Variants in LTBP1 observed in about 807,000 individuals in gnomAD.
LTBP1 encodes the protein latent transforming growth factor beta binding protein 1.
Under a neutral mutation model 207.6 loss-of-function variants are expected in LTBP1, and 129 were observed. The observed-to-expected ratio is 0.62, with a 90% CI of 0.54 to 0.72. The LOEUF is 0.72. Among genes scored for constraint, LTBP1 ranks in the 30% least tolerant of loss-of-function variants. The pLI is 0.00. For synonymous variants in LTBP1, 963 were observed against 833.7 expected, an observed-to-expected ratio of 1.16 and a Z score of -2.67; for missense variants, 2,281 against 2,217.2, an observed-to-expected ratio of 1.03 and a Z score of -0.58.
chr2:33,098,449 T>C (rs1204232488), intron 3 of LTBP1, among the ~76,000 whole-genome samples: 2 of 152,188 alleles, frequency 1.3e-5, no homozygotes, highest in Admixed American at 6.5e-5. Context: ...ATGATTTTTT[T>C]CTGAGACAGA....
At chr2:33,363,619 T>A in intron 29 of LTBP1, 101 bp downstream of exon 29, 6 of 1,316,720 alleles carry the variant, frequency 4.6e-6, no homozygotes, top group Non-Finnish European at 6.1e-6. Flanking sequence ...ATCTAAATCA[T>A]GTGTTGAAAA....
chr2:33,345,940 G>C (rs549411006), intron 25 of LTBP1, among the ~76,000 whole-genome samples: 1 of 152,200 alleles, frequency 6.6e-6, no homozygotes, highest in Non-Finnish European at 1.5e-5. Context: ...AGGAAAGAGG[G>C]TAAAAAGCAC....
At chr2:33,185,782 G>A (rs759538278) in intron 5 of LTBP1, among the ~76,000 whole-genome samples, 5 of 147,766 alleles carry the variant, frequency 3.4e-5, no homozygotes, top group South Asian at 2.1e-4. Flanking sequence ...AACATAAACC[G>A]GCCCAAGATA....
chr2:33,201,545 G>T (rs1192432476), intron 7 of LTBP1, among the ~76,000 whole-genome samples: 2 of 151,798 alleles, frequency 1.3e-5, no homozygotes, highest in Non-Finnish European at 2.9e-5. Flanking sequence ...GAGTTAATGG[G>T]TGCAGCACAC....
chr2:32,960,398 GGAATGAAT>G (rs10532840), intron 2 of LTBP1, among the ~76,000 whole-genome samples: 11,711 of 150,172 alleles, frequency 0.078, 706 homozygotes, highest in East Asian at 0.23. Context: ...ACACCTTTAT[GGAATGAAT>G]GAATGAATGA....
At chr2:33,011,641 G>A (rs919185360) in intron 2 of LTBP1, among the ~76,000 whole-genome samples, 1 of 151,984 alleles carries the variant, frequency 6.6e-6, no homozygotes, top group African/African-American at 2.4e-5. Context: ...ATAAATCTCT[G>A]TTATTTAAGC....
intron 2 of LTBP1, among the ~76,000 whole-genome samples, chr2:32,989,130 T>G (rs1309846420): frequency 6.6e-6 from 1 of 152,232 alleles, no homozygotes; most frequent in Non-Finnish European, 1.5e-5. Context: ...AACTCTGATA[T>G]TCTTCTCAGA....
intron 1 of LTBP1, 22 bp downstream of exon 1, chr2:32,947,840 C>T (rs1364141934): frequency 1.6e-6 from 2 of 1,272,956 alleles, no homozygotes; most frequent in African/African-American, 1.6e-5. Flanking sequence ...CCCCCTTCCG[C>T]CCGCCCGCCC....
At chr2:33,164,307 G>A (rs975060539) in intron 5 of LTBP1, among the ~76,000 whole-genome samples, 17 of 132,602 alleles carry the variant, frequency 1.3e-4, no homozygotes, top group African/African-American at 4.7e-4. Flanking sequence ...CTGAGATTGC[G>A]CCACTGCACT....
Position 33,064,999 on chromosome 2 carries a change from A to G in LTBP1, c.863+43793A>G, listed in dbSNP as rs1039754236. 2.6e-5 allele frequency among the ~76,000 whole-genome samples: 4 copies of G among 152,280 alleles called. No homozygotes were observed. The East Asian group carries it at 7.7e-4, about 29-fold the overall frequency. On this transcript the variant is annotated intron_variant, in intron 3 of 33. Transcript: ENST00000404816. Reference sequence around the variant, plus strand: ...TTGTTCTAGGTTTTAGGGTGAAAGTATGTTATTTTACCAATCAGTATAATA... The same window carrying G: ...TTGTTCTAGGTTTTAGGGTGAAAGTGTGTTATTTTACCAATCAGTATAATA...
intron 31 of LTBP1, among the ~76,000 whole-genome samples, chr2:33,382,649 A>G (rs1409463608): frequency 1.3e-5 from 2 of 152,202 alleles, no homozygotes; most frequent in African/African-American, 4.8e-5. Context: ...CAATGAATGA[A>G]TCACTTTTAA....
chr2:33,389,407 T>G, intron 32 of LTBP1, 101 bp downstream of exon 32: 1 of 1,500,800 alleles, frequency 6.7e-7, no homozygotes, highest in African/African-American at 1.4e-5. Context: ...GCAGCATTTC[T>G]GGTCCCACCC....
intron 3 of LTBP1, among the ~76,000 whole-genome samples, chr2:33,053,881 C>G (rs2076863817): frequency 6.6e-6 from 1 of 152,198 alleles, no homozygotes; most frequent in African/African-American, 2.4e-5. Flanking sequence ...ATTAAATCAT[C>G]CACATATTGA....
At chr2:33,122,270 G>C (rs2081177019) in intron 4 of LTBP1, among the ~76,000 whole-genome samples, 1 of 152,148 alleles carries the variant, frequency 6.6e-6, no homozygotes, top group Admixed American at 6.6e-5. Context: ...CTTGAAATGT[G>C]TTGTTTTTCC....
chr2:32,988,924 G>T (rs2148826203), intron 2 of LTBP1, among the ~76,000 whole-genome samples: 1 of 144,034 alleles, frequency 6.9e-6, no homozygotes, highest in Admixed American at 6.9e-5. Flanking sequence ...TATCCTAAAT[G>T]CTTAGACCTC....
chr2:33,229,156 T>C (rs1267371708), intron 9 of LTBP1, among the ~76,000 whole-genome samples: 1 of 152,200 alleles, frequency 6.6e-6, no homozygotes, highest in Non-Finnish European at 1.5e-5. Flanking sequence ...AATATTAATT[T>C]TGTTTTATTT....
At position 33,187,101 on chromosome 2, in the gene LTBP1, C is replaced by G. The variant is rs143447673; in HGVS notation, c.1426+21C>G. 6.6e-4 allele frequency: 1,063 copies of G among 1,606,676 alleles called. 6 individuals carry two copies. In the African/African-American group the frequency reaches 0.013, roughly 19 times the overall value. On this transcript the variant is annotated intron_variant, in intron 6 of 33. Transcript: ENST00000404816. The stretch of plus-strand genomic sequence containing the variant: ...CAAAGGTAAGCTTTTTTCATTCCGC[C>G]CATTTGCCAGACCTCTGTTAACCTG...
intron 9 of LTBP1, among the ~76,000 whole-genome samples, chr2:33,231,740 T>C (rs1010893665): frequency 9.9e-5 from 15 of 151,978 alleles, no homozygotes; most frequent in Admixed American, 2.6e-4. Flanking sequence ...AAAACAGACA[T>C]GTAGAATGAG....
intron 3 of LTBP1, among the ~76,000 whole-genome samples, chr2:33,022,767 G>A: frequency 6.6e-6 from 1 of 152,168 alleles, no homozygotes; most frequent in Admixed American, 6.5e-5. Flanking sequence ...ACTCAGTTCT[G>A]CCATGGTAGC....
Sources: allele counts gnomAD v4.1 joint callset (sites outside exome capture counted in the v4.1 genomes callset), GRCh38; gene constraint gnomAD v4.1.1; transcripts MANE v1.5; gene names NCBI Gene and HGNC (gene_info 2026-07-23, HGNC 2026-07-21).